The following SLCO2B1 variants were observed in gnomAD, a reference collection of about 807,000 sequenced individuals.
SLCO2B1 encodes the protein solute carrier organic anion transporter family member 2B1, also known as OATP-RP2.
Under a neutral mutation model 67.3 loss-of-function variants are expected in SLCO2B1, and 41 were observed. That is an observed-to-expected ratio of 0.61 (90% CI 0.47 to 0.79). SLCO2B1 has a LOEUF of 0.79. Among genes scored for constraint, SLCO2B1 ranks in the 30% least tolerant of loss-of-function variants. The pLI is 0.00. For synonymous variants in SLCO2B1, 379 were observed against 381.4 expected (o/e 0.99, Z 0.07); for missense variants, 837 against 920.1 (o/e 0.91, Z 1.17).
chr11:75,204,312 T>C (rs764682224), intron 13 of SLCO2B1, 88 bp from the exon 14 acceptor site: 4 of 1,342,052 alleles, frequency 3.0e-6, no homozygotes, highest in African/African-American at 1.5e-5. Context: ...GGCCTCAGTA[T>C]CTCTGATTTC....
chr11:75,167,451 T>C (rs1023211866), intron 4 of SLCO2B1, among the ~76,000 whole-genome samples: 8 of 152,194 alleles, frequency 5.3e-5, no homozygotes, highest in Admixed American at 3.9e-4. Flanking sequence ...AAAGCCCTTC[T>C]GTCTGAGCCT....
chr11:75,168,926 T>C (rs746760513), intron 4 of SLCO2B1, among the ~76,000 whole-genome samples: 9 of 152,120 alleles, frequency 5.9e-5, no homozygotes, highest in Non-Finnish European at 1.2e-4. Context: ...GTAGGGCAGT[T>C]TAAGAGCATG....
At chr11:75,174,200 T>G (rs1330630166) in intron 7 of SLCO2B1, among the ~76,000 whole-genome samples, 1 of 152,262 alleles carries the variant, frequency 6.6e-6, no homozygotes, top group African/African-American at 2.4e-5. Context: ...TTAGATTTCC[T>G]CCTTCTCAAG....
At chr11:75,165,977 T>A in intron 4 of SLCO2B1, 28 bp downstream of exon 4, 1 of 1,604,814 alleles carries the variant, frequency 6.2e-7, no homozygotes, top group Non-Finnish European at 8.5e-7. Flanking sequence ...TGGGCAGGAG[T>A]GGGACGTTAG....
At chr11:75,176,738 T>C (rs1249631458) in intron 7 of SLCO2B1, among the ~76,000 whole-genome samples, 1 of 152,134 alleles carries the variant, frequency 6.6e-6, no homozygotes, top group Non-Finnish European at 1.5e-5. Flanking sequence ...TCTGTAGGGA[T>C]TTGCCCAGCC....
rs759641208 is a variant in SLCO2B1, at chr11:75,162,671, A to G, written c.33A>G (p.Val11=). ...GTCCCTCAGGGCCAGCGGGTGAGGT[A>G]CCCCAGGTACCAGACAAGGAAACCA... MGPRIGPAGE[V]PQVPDKETKA... Residue 11 remains valine (V), a synonymous_variant, in exon 2 of 14, where the codon GTA becomes GTG. Coordinates refer to ENST00000289575, the MANE Select transcript of SLCO2B1 (RefSeq NM_007256.5). 1 of 1,613,526 alleles carries G rather than the reference A, an allele frequency of 6.2e-7. No homozygotes were observed. Among genetic ancestry groups the G allele is most frequent in the African/African-American group, 1.3e-5 (1 of 74,950 alleles).
At chr11:75,172,327 A>G in intron 6 of SLCO2B1, 52 bp from the exon 7 acceptor site, 1 of 1,524,208 alleles carries the variant, frequency 6.6e-7, no homozygotes, top group Non-Finnish European at 8.9e-7. Context: ...GGCGGCTTAG[A>G]AGTGACAGCC....
At chr11:75,181,792 T>C (rs1332487565) in intron 7 of SLCO2B1, among the ~76,000 whole-genome samples, 1 of 152,222 alleles carries the variant, frequency 6.6e-6, no homozygotes, top group Non-Finnish European at 1.5e-5. Context: ...CCAGGGCTGC[T>C]GACCCAGGCA....
chr11:75,159,842 G>C (rs1364199924), intron 1 of SLCO2B1: 2 of 985,496 alleles, frequency 2.0e-6, no homozygotes, highest in African/African-American at 3.5e-5. Flanking sequence ...GGCAGAAAAG[G>C]CTGGGATTGA....
intron 4 of SLCO2B1, among the ~76,000 whole-genome samples, chr11:75,167,516 C>T (rs1283589439): frequency 1.1e-4 from 16 of 152,166 alleles, no homozygotes; most frequent in Admixed American, 9.2e-4. Context: ...CCAAACTCCC[C>T]TCCTGTTCTG....
At chr11:75,157,543 C>T (rs368078625) in intron 1 of SLCO2B1, among the ~76,000 whole-genome samples, 2 of 152,234 alleles carry the variant, frequency 1.3e-5, no homozygotes, top group Admixed American at 1.3e-4. Flanking sequence ...AGGGGTTTAC[C>T]TGGAGGAAGA....
chr11:75,170,784 C>T (rs1055825179), intron 6 of SLCO2B1, among the ~76,000 whole-genome samples: 14 of 152,182 alleles, frequency 9.2e-5, no homozygotes, highest in African/African-American at 3.1e-4. Context: ...ACCCCTCCCT[C>T]CCCTGAAAGA....
rs1945248332 is a variant in SLCO2B1 at position 75,204,973 on chromosome 11, A to G, written c.*393A>G. 6.3e-6 allele frequency: 1 copy of G among 158,374 alleles called. No homozygotes were observed. The allele number at this position is 158,374 out of a possible 1,614,324, so 9.8% of individuals were successfully genotyped here. On this transcript the variant is annotated 3_prime_UTR_variant, in exon 14 of 14. Transcript: ENST00000289575. ...GCCCAGGTCTGCACTCGCCTGGATCACCTTCTTTGAGCCTTAGCCATCTCC... is the reference window on the plus strand; with the variant it reads ...GCCCAGGTCTGCACTCGCCTGGATCGCCTTCTTTGAGCCTTAGCCATCTCC...
In SLCO2B1 at chr11:75,169,291, G is replaced by T; in HGVS notation, c.567G>T (p.Val189=). The T allele has an allele frequency of 6.2e-7, 1 of 1,614,162 alleles. No homozygotes were observed. Among genetic ancestry groups the T allele is most frequent in the Non-Finnish European group, 8.5e-7 (1 of 1,180,022 alleles). Reference sequence around the variant, plus strand: ...CAGAAACCCAGCATCTGAGTGTGGTGGGGATCATGTTCGTGGCACAGACCC... The same window carrying T: ...CAGAAACCCAGCATCTGAGTGTGGTTGGGATCATGTTCGTGGCACAGACCC... ...SYTETQHLSV[V]GIMFVAQTLL... is the part of the protein sequence containing the mutation. Residue 189 remains valine, a synonymous_variant, in exon 5 of 14, where the codon GTG becomes GTT. Coordinates refer to ENST00000289575, the MANE Select transcript of SLCO2B1 (RefSeq NM_007256.5).
At chr11:75,176,524 C>A (rs1950025983) in intron 7 of SLCO2B1, among the ~76,000 whole-genome samples, 1 of 152,216 alleles carries the variant, frequency 6.6e-6, no homozygotes, top group Non-Finnish European at 1.5e-5. Context: ...TTACATTATG[C>A]TAAAAGTCTG....
chr11:75,199,392 C>G (rs1462879476), intron 10 of SLCO2B1, among the ~76,000 whole-genome samples: 1 of 152,224 alleles, frequency 6.6e-6, no homozygotes, highest in Non-Finnish European at 1.5e-5. Context: ...CAAGCCCACT[C>G]TATGATGGGC....
Position 75,165,967 on chromosome 11 carries a change from T to C in SLCO2B1, c.448+18T>C. 2 of 1,607,860 alleles carry C rather than the reference T, an allele frequency of 1.2e-6. No homozygotes were observed. The highest frequency in any genetic ancestry group is 1.7e-6 in the Non-Finnish European group (2 of 1,175,996). ...CAGCCCTGGTAAGAGCAGCAGGGGC[T>C]GGGCAGGAGTGGGACGTTAGCCTCT... is the stretch of plus-strand genomic sequence containing the variant. On this transcript the variant is annotated intron_variant, in intron 4 of 13. Coordinates refer to ENST00000289575, the MANE Select transcript of SLCO2B1 (RefSeq NM_007256.5).
At chr11:75,179,218 A>T (rs1296935929) in intron 7 of SLCO2B1, among the ~76,000 whole-genome samples, 242 of 66,658 alleles carry the variant, frequency 3.6e-3, no homozygotes, top group Non-Finnish European at 4.8e-3. Flanking sequence ...GATACATGAG[A>T]TTTTTTTTTT....
chr11:75,183,459 C>T (rs1300554240), intron 7 of SLCO2B1, among the ~76,000 whole-genome samples: 1 of 152,188 alleles, frequency 6.6e-6, no homozygotes, highest in Non-Finnish European at 1.5e-5. Flanking sequence ...AATCACACCA[C>T]AAAGATGCCT....
Sources: gnomAD v4.1 joint callset for allele counts (sites outside exome capture counted in the v4.1 genomes callset) on GRCh38, gnomAD v4.1.1 for gene constraint, MANE v1.5 for transcripts, NCBI Gene and HGNC (gene_info 2026-07-23, HGNC 2026-07-21) for gene names.